Variants in ZNF677 observed in about 807,000 individuals in gnomAD.
The protein encoded by ZNF677 is zinc finger protein 677, also known as hypothetical protein MGC48625.
In ZNF677, 5 loss-of-function variants were observed where a neutral mutation model predicts 8.1. The ratio of observed to expected loss-of-function variants is 0.62; its 90% CI spans 0.32 to 1.29. ZNF677 has a LOEUF of 1.29. Among genes scored for constraint, ZNF677 ranks in the 50% most tolerant of loss-of-function variants. The pLI, the probability that ZNF677 is intolerant of heterozygous loss-of-function variation, is 0.05. For missense variants in ZNF677, 685 were observed against 685.9 expected (o/e 1.00, Z 0.01); for synonymous variants, 221 against 225.6 (o/e 0.98, Z 0.18).
chr19:53,243,010 T>C (rs2965222), intron 4 of ZNF677: 65,715 of 151,880 alleles, frequency 0.43, 14,648 homozygotes, highest in East Asian at 0.75. Flanking sequence ...TAGGAGCGGG[T>C]GTGGACCTTG....
At chr19:53,238,720 C>T (rs371761732) in intron 4 of ZNF677, 163 bp from the exon 5 acceptor site, 1 of 576,962 alleles carries the variant, frequency 1.7e-6, no homozygotes, top group Non-Finnish European at 2.8e-6. Context: ...GACTAGCTGT[C>T]CTCAATAAAG....
chr19:53,245,486 TC>T (rs1273674771), intron 3 of ZNF677, among the ~76,000 whole-genome samples: 1 of 152,102 alleles, frequency 6.6e-6, no homozygotes, highest in African/African-American at 2.4e-5. Flanking sequence ...AGACATTTTT[TC>T]CAAAGAGAAT....
chr19:53,236,917 G>A lies in ZNF677; in HGVS notation c.*55C>T. 6.8e-7 allele frequency: 1 copy of A among 1,479,056 alleles called. No homozygotes were observed. The allele number at this position is 1,479,056 out of a possible 1,614,324, so 91.6% of individuals were successfully genotyped here. On this transcript the variant is annotated 3_prime_UTR_variant, in exon 5 of 5. Coordinates refer to ENST00000598513, the MANE Select transcript of ZNF677 (RefSeq NM_182609.4). ...AAGTGAGACATAAGCCATAGCTAAA[G>A]GCTTTACCACATTTTCGTTTTATAT...
chr19:53,248,556 A>G (rs2091183656), intron 3 of ZNF677, among the ~76,000 whole-genome samples: 1 of 152,184 alleles, frequency 6.6e-6, no homozygotes, highest in Admixed American at 6.5e-5. Flanking sequence ...TTCACTGTCA[A>G]TTCTGAAGGA....
intron 3 of ZNF677, among the ~76,000 whole-genome samples, chr19:53,247,360 A>T (rs2965229): frequency 0.64 from 96,718 of 151,464 alleles, 31,989 homozygotes; most frequent in African/African-American, 0.83. Context: ...CATAAAATAC[A>T]CTAACACTAA....
intron 4 of ZNF677, chr19:53,242,299 G>A: frequency 2.5e-6 from 1 of 398,580 alleles, no homozygotes; most frequent in Non-Finnish European, 4.4e-6. Context: ...GGAAGACTAA[G>A]GTCTCCCTAA....
intron 3 of ZNF677, among the ~76,000 whole-genome samples, chr19:53,245,214 C>G (rs1440187498): frequency 6.6e-6 from 1 of 152,014 alleles, no homozygotes; most frequent in Admixed American, 6.6e-5. Context: ...TTGACATTAT[C>G]TTGGCAATGA....
At chr19:53,240,083 C>T (rs3097248) in intron 4 of ZNF677, 57,643 of 152,080 alleles carry the variant, frequency 0.38, 12,246 homozygotes, top group East Asian at 0.75. Flanking sequence ...CCTTATCTTG[C>T]ACAAGTTGTT....
chr19:53,243,494 TTAAAACGTTTTCCA>T, intron 4 of ZNF677: 1 of 535,060 alleles, frequency 1.9e-6, no homozygotes, highest in Non-Finnish European at 3.3e-6. Flanking sequence ...ACCAGACACT[TTAAAACGTTTTCCA>T]TAAGGTTTTG....
rs1474132306 is a variant in ZNF677, at chr19:53,238,891, G to A, written c.170-334C>T. The A allele has an allele frequency of 4.0e-5, 7 of 174,852 alleles. No homozygotes were observed. The Admixed American group carries it at 4.0e-4, about 10-fold the overall frequency. The allele number at this position is 174,852 out of a possible 1,614,324, so 10.8% of individuals were successfully genotyped here. A position where few individuals can be genotyped will look rare whatever the true frequency, so the allele number is the denominator to read the frequency against. On this transcript the variant is annotated intron_variant, in intron 4 of 4. Coordinates refer to ENST00000598513, the MANE Select transcript of ZNF677 (RefSeq NM_182609.4). ...CGTAAATTGGCATAGCTATATGGTA[G>A]TCTCATATTTGAAGATAAACAAATA...
chr19:53,251,685 T>C, intron 2 of ZNF677, 80 bp from the exon 3 acceptor site: 3 of 998,368 alleles, frequency 3.0e-6, no homozygotes, highest in Non-Finnish European at 4.4e-6. Context: ...GGAAGAGGCT[T>C]GATATAGAAA....
intron 3 of ZNF677, 57 bp downstream of exon 3, chr19:53,251,479 A>C: frequency 6.7e-7 from 1 of 1,499,088 alleles, no homozygotes. Flanking sequence ...GCAAGTCCAA[A>C]ATATGGCATT....
intron 2 of ZNF677, among the ~76,000 whole-genome samples, chr19:53,252,296 G>A (rs1029417007): frequency 6.6e-6 from 1 of 152,158 alleles, no homozygotes; most frequent in African/African-American, 2.4e-5. Flanking sequence ...AATCATTTCA[G>A]GGATCCCATC....
chr19:53,238,064 G>C lies in ZNF677; in HGVS notation c.663C>G (p.Ile221Met), dbSNP rs1329811835. 3 of 1,614,002 alleles carry C rather than the reference G, an allele frequency of 1.9e-6. No homozygotes were observed. Among genetic ancestry groups the C allele is most frequent in the Non-Finnish European group, 2.5e-6 (3 of 1,179,968 alleles). The change falls in exon 5 of 5, where the codon ATC (isoleucine) becomes ATG (methionine). Residue 221 changes from isoleucine to methionine, a missense_variant. Coordinates refer to ENST00000598513, the MANE Select transcript of ZNF677 (RefSeq NM_182609.4). ...MYECNPVEKS[I>M]NSSSVSPLPP... ...GAAGTGGTGAAACTGAGGAACTATT[G>C]ATAGACTTCTCAACTGGATTACATT... is the stretch of plus-strand genomic sequence containing the variant.
At chr19:53,246,420 C>T (rs2091141973) in intron 3 of ZNF677, among the ~76,000 whole-genome samples, 1 of 150,944 alleles carries the variant, frequency 6.6e-6, no homozygotes, top group South Asian at 2.1e-4. Flanking sequence ...ATATCTATTG[C>T]AGCTTTATTC....
At chr19:53,251,662 C>CCA (rs141315010) in intron 2 of ZNF677, 57 bp from the exon 3 acceptor site, 387 of 1,237,230 alleles carry the variant, frequency 3.1e-4, no homozygotes, top group Non-Finnish European at 3.7e-4. Context: ...CCTGCCTCTA[C>CCA]CACACACACA....
Position 53,235,381 on chromosome 19 carries a change from T to C in ZNF677, c.*1591A>G, listed in dbSNP as rs139459320. 2.0e-5 allele frequency: 3 copies of C among 152,300 alleles called. No homozygotes were observed. The East Asian group carries it at 5.8e-4, about 29-fold the overall frequency. 9.4% of individuals were successfully genotyped at this position (152,300 alleles called of 1,614,324 possible). ...GGGTTGACGGAAGGCACACGATTCA[T>C]TCAGGGTTACTAAAAATGATTATAT... On this transcript the variant is annotated 3_prime_UTR_variant, in exon 5 of 5. Transcript: ENST00000598513.
intron 3 of ZNF677, among the ~76,000 whole-genome samples, chr19:53,245,069 GCTTAT>G (rs1412053559): frequency 1.3e-5 from 2 of 152,114 alleles, no homozygotes; most frequent in African/African-American, 4.8e-5. Flanking sequence ...GAAACTGGAT[GCTTAT>G]CTTATGCCAC....
At chr19:53,241,770 G>A (rs1599917533) in intron 4 of ZNF677, 1 of 398,250 alleles carries the variant, frequency 2.5e-6, no homozygotes, top group African/African-American at 2.1e-5. Context: ...GTAGCAGAAT[G>A]ATACTGTGAC....
Sources: allele counts gnomAD v4.1 joint callset (sites outside exome capture counted in the v4.1 genomes callset), GRCh38; gene constraint gnomAD v4.1.1; transcripts MANE v1.5; gene names NCBI Gene and HGNC (gene_info 2026-07-23, HGNC 2026-07-21).